The following NAA40 variants were observed in gnomAD, a reference collection of about 807,000 sequenced individuals.
NAA40 encodes the protein N-alpha-acetyltransferase 40, NatD catalytic subunit.
In NAA40, 26 loss-of-function variants were observed where a neutral mutation model predicts 36.6. That is an observed-to-expected ratio of 0.71 (90% CI 0.52 to 0.98). The LOEUF is 0.98. NAA40 is among the 50% of genes least tolerant of loss of function. The pLI is 0.00. For synonymous variants in NAA40, 129 were observed against 108.4 expected, an observed-to-expected ratio of 1.19 and a Z score of -1.18; for missense variants, 237 against 306.5, an observed-to-expected ratio of 0.77 and a Z score of 1.69.
At chr11:63,939,621 C>T in intron 1 of NAA40, 1 of 335,950 alleles carries the variant, frequency 3.0e-6, no homozygotes, top group Non-Finnish European at 4.0e-6. Context: ...CTCAGCGAAG[C>T]CGGTTCCCCT....
chr11:63,939,031 C>A lies in NAA40; in HGVS notation c.-66C>A. On this transcript the variant is annotated 5_prime_UTR_variant, in exon 1 of 8. Transcript: ENST00000377793. ...GCTCTGCTGCCGCCGCTGTTGCAGCCACCGCCGTTGCCGCCTCCCTGCCGG... is the reference window on the plus strand; with the variant it reads ...GCTCTGCTGCCGCCGCTGTTGCAGCAACCGCCGTTGCCGCCTCCCTGCCGG... The A allele has an allele frequency of 6.3e-7, 1 of 1,581,286 alleles. No homozygotes were observed.
chr11:63,942,256 G>C (rs892055082), intron 1 of NAA40, among the ~76,000 whole-genome samples: 1 of 152,170 alleles, frequency 6.6e-6, no homozygotes, highest in Admixed American at 6.5e-5. Flanking sequence ...CTGTGCCTCA[G>C]GTTTCTCATC....
chr11:63,950,758 G>A (rs1020510677), intron 3 of NAA40, among the ~76,000 whole-genome samples: 17 of 152,152 alleles, frequency 1.1e-4, no homozygotes, highest in South Asian at 2.1e-4. Flanking sequence ...CACTGTGCCC[G>A]GCCTCATAGT....
At chr11:63,945,766 C>T (rs1942176023) in intron 1 of NAA40, 74 bp from the exon 2 acceptor site, 9 of 1,326,394 alleles carry the variant, frequency 6.8e-6, no homozygotes, top group Non-Finnish European at 9.8e-6. Flanking sequence ...CAGGGCCCTT[C>T]GATTCCTTAA....
At chr11:63,946,100 GT>G (rs1942181862) in intron 2 of NAA40, 165 bp downstream of exon 2, 2 of 632,998 alleles carry the variant, frequency 3.2e-6, no homozygotes, top group Non-Finnish European at 5.5e-6. Context: ...TGTGTTGGAA[GT>G]TGGCGCCAGC....
chr11:63,948,146 C>T (rs960904156), intron 3 of NAA40, among the ~76,000 whole-genome samples: 3 of 152,178 alleles, frequency 2.0e-5, no homozygotes, highest in African/African-American at 2.4e-5. Flanking sequence ...TGAGCCACCG[C>T]GCCTGGCCTG....
intron 7 of NAA40, 85 bp downstream of exon 7, chr11:63,954,134 A>G (rs1942325308): frequency 6.8e-7 from 1 of 1,460,786 alleles, no homozygotes; most frequent in Middle Eastern, 1.8e-4. Flanking sequence ...ACTCATTCTG[A>G]TGCCTGAGCT....
rs527663384 is a variant in NAA40, at chr11:63,946,366, A to T, written c.102+431A>T. 319 of 269,558 alleles carry T rather than the reference A, an allele frequency of 1.2e-3. 1 individual carries two copies. Among genetic ancestry groups the T allele is most frequent in the Non-Finnish European group, 1.8e-3 (273 of 150,278 alleles). 16.7% of individuals were successfully genotyped at this position (269,558 alleles called of 1,614,324 possible). ...TTAGCTGGGACTATAGGTGCCCACCACCACACCCGGGTAATTTTTGTAGAG... is the reference window on the plus strand; with the variant it reads ...TTAGCTGGGACTATAGGTGCCCACCTCCACACCCGGGTAATTTTTGTAGAG... On this transcript the variant is annotated intron_variant, in intron 2 of 7. Coordinates refer to ENST00000377793, the MANE Select transcript of NAA40 (RefSeq NM_024771.4).
intron 3 of NAA40, 73 bp downstream of exon 3, chr11:63,947,076 T>A: frequency 8.4e-6 from 12 of 1,435,562 alleles, no homozygotes; most frequent in Non-Finnish European, 1.2e-5. Context: ...AGAGTAGGCT[T>A]CCTCAGACAC....
intron 2 of NAA40, 56 bp from the exon 3 acceptor site, chr11:63,946,895 G>C: frequency 6.2e-7 from 1 of 1,610,922 alleles, no homozygotes. Context: ...CTTGGGATAG[G>C]ATCTGCACCT....
Position 63,954,463 on chromosome 11 carries a change from G to T in NAA40, c.698G>T (p.Gly233Val), listed in dbSNP as rs745633405. The T allele has an allele frequency of 2.5e-6, 4 of 1,600,484 alleles. No individual in the cohort carries two copies. Among genetic ancestry groups the T allele is most frequent in the Admixed American group, 1.8e-5 (1 of 56,470 alleles). The change falls in exon 8 of 8, where the codon GGT becomes GTT. Residue 233 changes from glycine to valine, a missense_variant. Gly to Val is a moderately radical substitution (Grantham distance 109, BLOSUM62 -3). Transcript: ENST00000377793. ...SHHSHAGGHC[G>V]GCCH Reference sequence around the variant, plus strand: ...CACTCCCACGCGGGTGGGCACTGTGGTGGCTGCTGCCACTGAACTCTCAGA... The same window carrying T: ...CACTCCCACGCGGGTGGGCACTGTGTTGGCTGCTGCCACTGAACTCTCAGA...
At position 63,957,212 on chromosome 11, in the gene NAA40, A is replaced by ATATATT. The variant is rs1278673521; in HGVS notation, c.*2734_*2735insATATTT. The ATATATT allele has an allele frequency of 2.3e-4, 15 of 64,298 alleles. No homozygotes were observed. The highest frequency in any genetic ancestry group is 5.8e-4 in the African/African-American group (14 of 23,940). The allele number at this position is 64,298 out of a possible 1,614,324, so 4.0% of individuals were successfully genotyped here. A position where few individuals can be genotyped will look rare whatever the true frequency, so the allele number is the denominator to read the frequency against. ...CCTTGATATATATATATATATATAT[A>ATATATT]TTTTTTTTTTTCTTTAGCAGCTTGT... On this transcript the variant is annotated 3_prime_UTR_variant, in exon 8 of 8. Coordinates refer to ENST00000377793, the MANE Select transcript of NAA40 (RefSeq NM_024771.4).
At chr11:63,942,305 G>C (rs899465487) in intron 1 of NAA40, among the ~76,000 whole-genome samples, 5 of 152,204 alleles carry the variant, frequency 3.3e-5, no homozygotes, top group African/African-American at 1.2e-4. Flanking sequence ...GTTGTGAAAA[G>C]TAAAATAGAT....
chr11:63,957,154 T>A lies in NAA40; in HGVS notation c.*2675T>A, dbSNP rs934100492. On this transcript the variant is annotated 3_prime_UTR_variant, in exon 8 of 8. Coordinates refer to ENST00000377793, the MANE Select transcript of NAA40 (RefSeq NM_024771.4). ...AGGACATGTGAATGGTTCTTTTTAA[T>A]TTTTTTTTAAGAGGAAATTTGGAAG... 2.0e-5 allele frequency: 3 copies of A among 149,944 alleles called. No homozygotes were observed. Among genetic ancestry groups the A allele is most frequent in the Non-Finnish European group, 4.4e-5 (3 of 67,534 alleles). 9.3% of individuals were successfully genotyped at this position (149,944 alleles called of 1,614,324 possible).
Position 63,952,467 on chromosome 11 carries a change from C to G in NAA40, c.312C>G (p.Asp104Glu). ...DREKREEMTD[D>E]RAWYLIAWEN... ...AGAAACGGGAGGAAATGACAGATGA[C>G]CGAGCCTGGTACCTCATCGCGTGGG... The change falls in exon 5 of 8, where the codon GAC (aspartate) becomes GAG (glutamate). Residue 104 changes from aspartate (D) to glutamate (E), a missense_variant. Physicochemically the swap from Asp to Glu is conservative, Grantham distance 45. Coordinates refer to ENST00000377793, the MANE Select transcript of NAA40 (RefSeq NM_024771.4). The G allele has an allele frequency of 6.2e-7, 1 of 1,614,156 alleles. No homozygotes were observed. The highest frequency in any genetic ancestry group is 1.1e-5 in the South Asian group (1 of 91,082).
At chr11:63,949,130 G>A (rs1942235004) in intron 3 of NAA40, among the ~76,000 whole-genome samples, 1 of 152,150 alleles carries the variant, frequency 6.6e-6, no homozygotes, top group South Asian at 2.1e-4. Context: ...AGGCTGCAGT[G>A]AGCCATGGTA....
rs1565173820 is a variant in NAA40 at position 63,952,923 on chromosome 11, G to T, written c.494+84G>T. ...AGGCACTTGCCATTCTTTGAGCCTTGTTGGAGGAGGAGGCTCATAGGCATG... is the reference window on the plus strand; with the variant it reads ...AGGCACTTGCCATTCTTTGAGCCTTTTTGGAGGAGGAGGCTCATAGGCATG... On this transcript the variant is annotated intron_variant, in intron 6 of 7. Coordinates refer to ENST00000377793, the MANE Select transcript of NAA40 (RefSeq NM_024771.4). 3.3e-6 allele frequency: 4 copies of T among 1,213,636 alleles called. No individual in the cohort carries two copies. In the East Asian group the frequency reaches 7.3e-5, roughly 22 times the overall value. 75.2% of individuals were successfully genotyped at this position (1,213,636 alleles called of 1,614,324 possible). A position where few individuals can be genotyped will look rare whatever the true frequency, so the allele number is the denominator to read the frequency against.
At chr11:63,940,179 C>A (rs1238152403) in intron 1 of NAA40, among the ~76,000 whole-genome samples, 1 of 151,312 alleles carries the variant, frequency 6.6e-6, no homozygotes, top group Non-Finnish European at 1.5e-5. Context: ...GCCTCCCCAG[C>A]AGCTGGGATT....
At chr11:63,944,365 C>T (rs1380920963) in intron 1 of NAA40, among the ~76,000 whole-genome samples, 4 of 152,078 alleles carry the variant, frequency 2.6e-5, no homozygotes, top group Non-Finnish European at 4.4e-5. Context: ...AGAGGCTGCT[C>T]TATTGGTAAA....
Sources: allele counts gnomAD v4.1 joint callset (sites outside exome capture counted in the v4.1 genomes callset), GRCh38; gene constraint gnomAD v4.1.1; transcripts MANE v1.5; gene names NCBI Gene and HGNC (gene_info 2026-07-23, HGNC 2026-07-21).